KDR: variants seen among roughly 807,000 people sequenced by gnomAD.
The protein encoded by KDR is kinase insert domain receptor.
KDR carries 43 observed loss-of-function variants against 160.9 expected under a neutral mutation model. The ratio of observed to expected loss-of-function variants is 0.27; its 90% CI spans 0.21 to 0.34. The LOEUF (loss-of-function observed/expected upper bound fraction) is 0.34, where lower values mean the gene tolerates loss of function less well. KDR is among the 10% of genes least tolerant of loss of function. KDR has a pLI of 1.00. For synonymous variants in KDR, 617 were observed against 600.1 expected, an observed-to-expected ratio of 1.03 and a Z score of -0.41; for missense variants, 1,469 against 1,666.4, an observed-to-expected ratio of 0.88 and a Z score of 2.06.
At chr4:55,114,048 C>A in intron 6 of KDR, 78 bp downstream of exon 6, 1 of 1,496,944 alleles carries the variant, frequency 6.7e-7, no homozygotes. Flanking sequence ...GCCAAAGAGG[C>A]CCCTATCTCT....
At chr4:55,121,237 C>T in intron 1 of KDR, 47 bp from the exon 2 acceptor site, 1 of 1,360,788 alleles carries the variant, frequency 7.3e-7, no homozygotes, top group Non-Finnish European at 1.1e-6. Flanking sequence ...TGAGTTAGAC[C>T]TAATAGGAAA....
At chr4:55,123,044 T>C (rs539458631) in intron 1 of KDR, 92 of 152,312 alleles carry the variant, frequency 6.0e-4, no homozygotes, top group African/African-American at 2.0e-3. Context: ...GTGCTGGGAT[T>C]ACAGGAATGA....
chr4:55,104,316 C>T (rs1163149186), intron 13 of KDR, among the ~76,000 whole-genome samples: 1 of 152,144 alleles, frequency 6.6e-6, no homozygotes, highest in Non-Finnish European at 1.5e-5. Flanking sequence ...CTGACACTCT[C>T]CTAGCTCATA....
At chr4:55,097,392 C>T (rs913303149) in intron 18 of KDR, among the ~76,000 whole-genome samples, 4 of 152,120 alleles carry the variant, frequency 2.6e-5, no homozygotes, top group Non-Finnish European at 5.9e-5. Flanking sequence ...CCCAGAACCA[C>T]TAAGTACAAC....
At chr4:55,114,584 T>C (rs1161253695) in intron 5 of KDR, among the ~76,000 whole-genome samples, 2 of 152,252 alleles carry the variant, frequency 1.3e-5, no homozygotes, top group African/African-American at 4.8e-5. Flanking sequence ...AAATAATTGA[T>C]AGCAAGCAAT....
intron 10 of KDR, 38 bp from the exon 11 acceptor site, chr4:55,106,848 T>A: frequency 6.3e-7 from 1 of 1,577,178 alleles, no homozygotes; most frequent in African/African-American, 1.3e-5. Context: ...TATGATTTAA[T>A]TTTTCTTTAA....
intron 2 of KDR, among the ~76,000 whole-genome samples, chr4:55,119,195 C>A (rs1250902325): frequency 5.5e-5 from 8 of 145,354 alleles, no homozygotes; most frequent in African/African-American, 2.0e-4. Flanking sequence ...GGCAAGAGGG[C>A]AACCCTGCCT....
Position 55,114,157 on chromosome 4 carries a change from A to C in KDR, c.767T>G (p.Ile256Ser). The C allele has an allele frequency of 6.2e-7, 1 of 1,614,042 alleles. No homozygotes were observed. The highest frequency in any genetic ancestry group is 2.2e-5 in the East Asian group (1 of 44,874). The change falls in exon 6 of 30, where the codon ATT becomes AGT. Residue 256 changes from isoleucine (I) to serine (S), a missense_variant. Transcript: ENST00000263923. ...AGAAGGGTATTCCCAGTTGAAGTCA[A>C]TCCCCACATTTAGTTCAGTTCTTGC... The part of the protein sequence containing the change: ...CTARTELNVG[I>S]DFNWEYPSSK...
intron 1 of KDR, among the ~76,000 whole-genome samples, chr4:55,124,705 T>TG (rs59974205): frequency 0.99 from 150,668 of 152,034 alleles, 74,666 homozygotes; most frequent in Middle Eastern, 1. Context: ...CTTCACACAG[T>TG]GGTGTGCAAG....
intron 15 of KDR, among the ~76,000 whole-genome samples, chr4:55,099,621 T>TA (rs1720259915): frequency 6.6e-6 from 1 of 152,200 alleles, no homozygotes; most frequent in Non-Finnish European, 1.5e-5. Flanking sequence ...AAACAAAATT[T>TA]TTTGACCTGA....
At chr4:55,099,180 T>C (rs1720247484) in intron 15 of KDR, among the ~76,000 whole-genome samples, 1 of 151,998 alleles carries the variant, frequency 6.6e-6, no homozygotes, top group South Asian at 2.1e-4. Context: ...CAAGCCCAGC[T>C]AATTTTTCTT....
In KDR at chr4:55,098,720, T is replaced by C. The variant is rs749701671; in HGVS notation, c.2350A>G (p.Ile784Val). Reference sequence around the variant, plus strand: ...ACCCGCTTAACGGTCCGTAGGATGATGACAAGAAGTAGCCAGAAGAACATG... The same window carrying C: ...ACCCGCTTAACGGTCCGTAGGATGACGACAAGAAGTAGCCAGAAGAACATG... ...IAMFFWLLLV[I>V]ILRTVKRANG... Residue 784 changes from isoleucine (I) to valine (V), a missense_variant, in exon 16 of 30, where the codon ATC becomes GTC. Around this residue, in one of 7 missense-constraint regions of KDR, gnomAD observed 118 missense variants for 110.8 expected, o/e 1.06. Coordinates refer to ENST00000263923, the MANE Select transcript of KDR (RefSeq NM_002253.4). The C allele has an allele frequency of 8.7e-6, 14 of 1,613,012 alleles. No homozygotes were observed. The highest frequency in any genetic ancestry group is 1.2e-5 in the Non-Finnish European group (14 of 1,179,156).
intron 15 of KDR, 138 bp from the exon 16 acceptor site, chr4:55,098,941 C>T (rs1389188122): frequency 1.0e-5 from 6 of 573,200 alleles, no homozygotes; most frequent in South Asian, 2.2e-5. Context: ...GTTACACACC[C>T]GTAACTTGAA....
At chr4:55,086,287 A>G (rs143100790) in intron 27 of KDR, among the ~76,000 whole-genome samples, 1,851 of 152,236 alleles carry the variant, frequency 0.012, 18 homozygotes, top group Non-Finnish European at 0.018. Context: ...GAAATAGATT[A>G]TATCTTATAA....
intron 3 of KDR, among the ~76,000 whole-genome samples, chr4:55,116,400 A>G (rs1353497654): frequency 6.7e-6 from 1 of 148,666 alleles, no homozygotes; most frequent in African/African-American, 2.5e-5. Context: ...CTGGGCAACA[A>G]GAGCAAAACT....
chr4:55,084,879 G>T (rs766012171), intron 27 of KDR, among the ~76,000 whole-genome samples: 26 of 152,152 alleles, frequency 1.7e-4, no homozygotes, highest in African/African-American at 5.8e-4. Flanking sequence ...TAAGTACGGG[G>T]TATGAAACAG....
chr4:55,084,421 G>T (rs554334139), intron 27 of KDR, among the ~76,000 whole-genome samples: 50 of 152,332 alleles, frequency 3.3e-4, no homozygotes, highest in African/African-American at 1.2e-3. Flanking sequence ...ATCAACTAGG[G>T]TTGGCGAGTT....
intron 12 of KDR, 80 bp downstream of exon 12, chr4:55,105,752 G>T: frequency 1.1e-6 from 1 of 889,398 alleles, no homozygotes; most frequent in Non-Finnish European, 1.9e-6. Context: ...CACATGAATG[G>T]CAAAAACAAC....
intron 22 of KDR, chr4:55,092,395 T>A: frequency 1.8e-6 from 1 of 544,000 alleles, no homozygotes; most frequent in Non-Finnish European, 3.4e-6. Context: ...GCCTCACACT[T>A]AGTAGATGCT....
Sources: allele counts gnomAD v4.1 joint callset (sites outside exome capture counted in the v4.1 genomes callset), GRCh38; gene constraint gnomAD v4.1.1; regional missense constraint gnomAD v4.1.1; transcripts MANE v1.5; gene names NCBI Gene and HGNC (gene_info 2026-07-23, HGNC 2026-07-21).